The following UBE2V1 variants were observed in gnomAD, a reference collection of about 807,000 sequenced individuals.
UBE2V1 encodes ubiquitin-conjugating enzyme E2 variant 1.
Under a neutral mutation model 19.6 loss-of-function variants are expected in UBE2V1, and 15 were observed. The ratio of observed to expected loss-of-function variants is 0.77; its 90% CI spans 0.51 to 1.18. The LOEUF (loss-of-function observed/expected upper bound fraction) is 1.18. Ranked by LOEUF, UBE2V1 falls within the 50% of genes most tolerant of loss-of-function variation. The probability of loss-of-function intolerance (pLI) is 0.00; values close to 1 mark genes in which losing one functional copy is unlikely to be tolerated. For missense variants in UBE2V1, 125 were observed against 184.8 expected, an observed-to-expected ratio of 0.68 and a Z score of 1.88; for synonymous variants, 60 against 60.7, an observed-to-expected ratio of 0.99 and a Z score of 0.05.
chr20:50,086,855 A>G (rs983289844), intron 2 of UBE2V1, among the ~76,000 whole-genome samples: 1 of 152,236 alleles, frequency 6.6e-6, no homozygotes, highest in Non-Finnish European at 1.5e-5. Context: ...AGACAGGCGG[A>G]TCACAAGGTC....
rs117709954 is a variant in UBE2V1, at chr20:50,097,864, A to G, written c.23-1044T>C. Among the ~76,000 whole-genome samples, 174 of 152,354 alleles carry G rather than the reference A, an allele frequency of 1.1e-3. 3 individuals are homozygous for G. In the East Asian group the frequency reaches 0.03, roughly 26 times the overall value. On this transcript the variant is annotated intron_variant, in intron 1 of 3. Transcript: ENST00000371674. The stretch of plus-strand genomic sequence containing the variant: ...CCAGATTGTGGGAGGTGTTGCCAGT[A>G]TATGTATTTCCCAAAGTGTAGGACA...
intron 1 of UBE2V1, among the ~76,000 whole-genome samples, chr20:50,109,866 G>T (rs977485093): frequency 6.6e-6 from 1 of 152,016 alleles, no homozygotes; most frequent in African/African-American, 2.4e-5. Flanking sequence ...TTTGAATGTA[G>T]GGCCCATGTT....
chr20:50,088,951 A>C lies in UBE2V1; in HGVS notation c.172-4697T>G, dbSNP rs578115477. 5.9e-5 allele frequency among the ~76,000 whole-genome samples: 9 copies of C among 152,352 alleles called. No individual in the cohort carries two copies. In the East Asian group the frequency reaches 1.7e-3, roughly 29 times the overall value. ...ACATAGTTATATACAAATTACGTTT[A>C]ATGTACAATGTGGGTACATGCTATG... On this transcript the variant is annotated intron_variant, in intron 2 of 3. Coordinates refer to ENST00000371674, the MANE Select transcript of UBE2V1 (RefSeq NM_001032288.3).
At chr20:50,098,254 C>G (rs2079762249) in intron 1 of UBE2V1, among the ~76,000 whole-genome samples, 1 of 152,132 alleles carries the variant, frequency 6.6e-6, no homozygotes, top group South Asian at 2.1e-4. Flanking sequence ...ATAGAGGCTG[C>G]TTAGGGTGTC....
At chr20:50,088,352 C>T (rs6020244) in intron 2 of UBE2V1, among the ~76,000 whole-genome samples, 10 of 152,220 alleles carry the variant, frequency 6.6e-5, no homozygotes, top group African/African-American at 2.4e-4. Flanking sequence ...AATAATGTAT[C>T]AACGTTGGTT....
chr20:50,106,945 T>C lies in UBE2V1; in HGVS notation c.22+6162A>G, dbSNP rs16995090. 3.9e-3 allele frequency among the ~76,000 whole-genome samples: 579 copies of C among 149,834 alleles called. 2 individuals are homozygous for C. The highest frequency in any genetic ancestry group is 0.014 in the African/African-American group (552 of 40,552). The stretch of plus-strand genomic sequence containing the variant: ...TGAAAAGAAAGCTGCTAGTTAAAAA[T>C]GGTTTGGTTGCCCATTCAGGGAAGA... On this transcript the variant is annotated intron_variant, in intron 1 of 3. Coordinates refer to ENST00000371674, the MANE Select transcript of UBE2V1 (RefSeq NM_001032288.3).
At chr20:50,099,498 CT>C (rs1488038215) in intron 1 of UBE2V1, among the ~76,000 whole-genome samples, 2 of 152,170 alleles carry the variant, frequency 1.3e-5, no homozygotes, top group African/African-American at 4.8e-5. Flanking sequence ...ATGATTCCCC[CT>C]ACTTTCTCTA....
chr20:50,099,493 T>G (rs529022812), intron 1 of UBE2V1, among the ~76,000 whole-genome samples: 4 of 152,290 alleles, frequency 2.6e-5, no homozygotes, highest in African/African-American at 9.6e-5. Flanking sequence ...TATGGATGAT[T>G]CCCCCTACTT....
chr20:50,084,717 G>T (rs1475635743), intron 2 of UBE2V1: 2 of 373,046 alleles, frequency 5.4e-6, no homozygotes, highest in Non-Finnish European at 1.1e-5. Flanking sequence ...GACGAGGGAG[G>T]GGTGCAGACT....
At position 50,096,833 on chromosome 20, in the gene UBE2V1, G is replaced by A; in HGVS notation, c.23-13C>T. On this transcript the variant is annotated splice_polypyrimidine_tract_variant and intron_variant, in intron 1 of 3. Transcript: ENST00000371674. ...GGGACTTTTACTCCTAAAATAAATG[G>A]AAAGAAATTCAAGATACCAGCAACT... is the stretch of plus-strand genomic sequence containing the variant. 1 of 1,613,530 alleles carries A rather than the reference G, an allele frequency of 6.2e-7. No individual in the cohort carries two copies. Among genetic ancestry groups the A allele is most frequent in the South Asian group, 1.1e-5 (1 of 90,994 alleles).
chr20:50,083,037 T>C lies in UBE2V1; in HGVS notation c.298-123A>G, dbSNP rs2078709189. 2.8e-6 allele frequency: 4 copies of C among 1,449,410 alleles called. No homozygotes were observed. The African/African-American group carries it at 4.3e-5, about 15-fold the overall frequency. 89.8% of individuals were successfully genotyped at this position (1,449,410 alleles called of 1,614,324 possible). On this transcript the variant is annotated intron_variant, in intron 3 of 3. Coordinates refer to ENST00000371674, the MANE Select transcript of UBE2V1 (RefSeq NM_001032288.3). ...CTTTTTAAGCTGAACCTGCTGCTAA[T>C]CCTAATACCTTACATGCGGAATACC...
chr20:50,115,558 T>C (rs768620262), upstream of UBE2V1: 24 of 1,574,956 alleles, frequency 1.5e-5, no homozygotes, highest in Non-Finnish European at 2.1e-5. Flanking sequence ...GGTAAGACGC[T>C]TGAACCTCTC....
chr20:50,089,651 C>T (rs1295071434), intron 2 of UBE2V1, among the ~76,000 whole-genome samples: 1 of 151,982 alleles, frequency 6.6e-6, no homozygotes, highest in South Asian at 2.1e-4. Context: ...TGCACAGCGA[C>T]GAGACACAAT....
intron 2 of UBE2V1, chr20:50,084,468 G>A: frequency 7.4e-6 from 6 of 814,566 alleles, no homozygotes; most frequent in Non-Finnish European, 1.2e-5. Context: ...AGAAGATGGA[G>A]CATTTAAGCT....
rs184920853 is a variant in UBE2V1, at chr20:50,108,457, T to C, written c.22+4650A>G. On this transcript the variant is annotated intron_variant, in intron 1 of 3. Coordinates refer to ENST00000371674, the MANE Select transcript of UBE2V1 (RefSeq NM_001032288.3). Reference sequence around the variant, plus strand: ...GAGGCCTACCTCAGAGAATAAGAAATGGGGGCTGGAAGAACGATCATCCGG... The same window carrying C: ...GAGGCCTACCTCAGAGAATAAGAAACGGGGGCTGGAAGAACGATCATCCGG... Among the ~76,000 whole-genome samples, 17 of 151,982 alleles carry C rather than the reference T, an allele frequency of 1.1e-4. No homozygotes were observed. In the East Asian group the frequency reaches 3.3e-3, roughly 29 times the overall value.
At chr20:50,110,640 T>C (rs1015462507) in intron 1 of UBE2V1, among the ~76,000 whole-genome samples, 5 of 152,242 alleles carry the variant, frequency 3.3e-5, no homozygotes, top group African/African-American at 1.2e-4. Context: ...GGTCAGATCT[T>C]ATCATACTCC....
chr20:50,099,998 T>C (rs770806336), intron 1 of UBE2V1, among the ~76,000 whole-genome samples: 1 of 150,336 alleles, frequency 6.7e-6, no homozygotes, highest in Non-Finnish European at 1.5e-5. Flanking sequence ...CTCAGGAGGC[T>C]GAGAGGGGAG....
intron 1 of UBE2V1, chr20:50,111,522 G>A (rs936382871): frequency 1.0e-6 from 1 of 1,000,116 alleles, no homozygotes; most frequent in African/African-American, 1.7e-5. Context: ...GAGTGCCTGG[G>A]GCAGCGTCAT....
chr20:50,114,309 C>T (rs527407571), upstream of UBE2V1, among the ~76,000 whole-genome samples: 1 of 152,140 alleles, frequency 6.6e-6, no homozygotes, highest in Non-Finnish European at 1.5e-5. Context: ...AATTCATCAC[C>T]TTTGTCTGAT....
Sources: gnomAD v4.1 joint callset for allele counts (sites outside exome capture counted in the v4.1 genomes callset) on GRCh38, gnomAD v4.1.1 for gene constraint, MANE v1.5 for transcripts, NCBI Gene and HGNC (gene_info 2026-07-23, HGNC 2026-07-21) for gene names.